The following TENM3 variants were observed in gnomAD, a reference collection of about 807,000 sequenced individuals.
The protein encoded by TENM3 is teneurin-3.
Under a neutral mutation model 255.1 loss-of-function variants are expected in TENM3, and 63 were observed. The ratio of observed to expected loss-of-function variants is 0.25; its 90% CI spans 0.20 to 0.30. The LOEUF (loss-of-function observed/expected upper bound fraction) is 0.30, where lower values mean the gene tolerates loss of function less well. Among genes scored for constraint, TENM3 ranks in the 10% least tolerant of loss-of-function variants. TENM3 has a pLI of 1.00. For missense variants in TENM3, 2,929 were observed against 3,461.1 expected (o/e 0.85, Z 3.86); for synonymous variants, 1,306 against 1,322.3 (o/e 0.99, Z 0.27).
chr4:181,694,477 G>T, the TENM3 span, among the ~76,000 whole-genome samples: 2 of 152,172 alleles, frequency 1.3e-5, no homozygotes, highest in Non-Finnish European at 2.9e-5. Flanking sequence ...GCTAACCAAT[G>T]ATCCATTTCC....
chr4:182,102,366 C>A, the TENM3 span, among the ~76,000 whole-genome samples: 7 of 152,108 alleles, frequency 4.6e-5, no homozygotes, highest in African/African-American at 1.7e-4. Flanking sequence ...AGATTAGAAA[C>A]CCTTGAGGAT....
chr4:181,950,411 C>T, the TENM3 span, among the ~76,000 whole-genome samples: 27 of 152,150 alleles, frequency 1.8e-4, no homozygotes, highest in African/African-American at 4.8e-4. Context: ...CACAGGGACG[C>T]GCATGAAACT....
At chr4:182,163,707 C>A (rs1320523630) in intron 1 of TENM3, among the ~76,000 whole-genome samples, 1 of 152,142 alleles carries the variant, frequency 6.6e-6, no homozygotes, top group Non-Finnish European at 1.5e-5. Context: ...TGAGGATAAA[C>A]GTGTAGCCCT....
chr4:181,640,377 G>A, the TENM3 span, among the ~76,000 whole-genome samples: 3 of 152,272 alleles, frequency 2.0e-5, no homozygotes, highest in East Asian at 3.9e-4. Context: ...ATTGGTCAAA[G>A]AAATTTAGTT....
At chr4:182,046,052 CA>C in the TENM3 span, among the ~76,000 whole-genome samples, 1 of 152,046 alleles carries the variant, frequency 6.6e-6, no homozygotes, top group Non-Finnish European at 1.5e-5. Flanking sequence ...GGCAAGGGGA[CA>C]AAAGCTTCTG....
At chr4:182,186,145 G>T (rs1285460864) in intron 1 of TENM3, among the ~76,000 whole-genome samples, 2 of 152,134 alleles carry the variant, frequency 1.3e-5, no homozygotes, top group Non-Finnish European at 2.9e-5. Context: ...TACAATGATT[G>T]TTTCATGTGT....
chr4:182,279,300 A>G (rs1329376333), intron 1 of TENM3, among the ~76,000 whole-genome samples: 1 of 152,204 alleles, frequency 6.6e-6, no homozygotes, highest in Non-Finnish European at 1.5e-5. Context: ...ATATATGTAT[A>G]TATTAAGAAA....
the TENM3 span, among the ~76,000 whole-genome samples, chr4:181,495,127 T>G: frequency 6.6e-6 from 1 of 152,168 alleles, no homozygotes; most frequent in African/African-American, 2.4e-5. Flanking sequence ...CTTGAGTTTA[T>G]AGTTTAGTTA....
chr4:182,109,213 A>G, the TENM3 span, among the ~76,000 whole-genome samples: 1 of 144,772 alleles, frequency 6.9e-6, no homozygotes, highest in Non-Finnish European at 1.5e-5. Context: ...TTATATATTT[A>G]TATATATTAT....
intron 1 of TENM3, among the ~76,000 whole-genome samples, chr4:182,186,966 A>C (rs576788727): frequency 1.3e-5 from 2 of 150,846 alleles, no homozygotes; most frequent in South Asian, 4.2e-4. Context: ...GTTCAGTTTT[A>C]TGCTTTGCCT....
At chr4:182,654,013 A>C (rs1753550581) in intron 6 of TENM3, 120 bp downstream of exon 6, 6 of 930,576 alleles carry the variant, frequency 6.4e-6, no homozygotes, top group Non-Finnish European at 8.8e-6. Flanking sequence ...GAAATTACAG[A>C]TATCATCTTT....
chr4:182,051,416 C>T, the TENM3 span, among the ~76,000 whole-genome samples: 54 of 138,372 alleles, frequency 3.9e-4, no homozygotes, highest in Admixed American at 1.1e-3. Context: ...CTTGCTCTTT[C>T]GCCCAGGCCA....
the TENM3 span, among the ~76,000 whole-genome samples, chr4:181,998,055 G>A: frequency 6.6e-6 from 1 of 152,194 alleles, no homozygotes; most frequent in Non-Finnish European, 1.5e-5. Context: ...AGTTCTGTGT[G>A]CGATATTGCT....
the TENM3 span, among the ~76,000 whole-genome samples, chr4:182,065,080 G>A: frequency 6.7e-6 from 1 of 149,740 alleles, no homozygotes; most frequent in Admixed American, 6.7e-5. Context: ...TGTTGCCCAG[G>A]CTGGAGTGCA....
At chr4:181,781,215 T>C in the TENM3 span, among the ~76,000 whole-genome samples, 1 of 152,190 alleles carries the variant, frequency 6.6e-6, no homozygotes, top group Non-Finnish European at 1.5e-5. Flanking sequence ...CCTTGGGCAG[T>C]ATGGCCATTT....
At chr4:182,217,474 C>T (rs1301738778) in intron 1 of TENM3, among the ~76,000 whole-genome samples, 3 of 152,158 alleles carry the variant, frequency 2.0e-5, no homozygotes, top group Non-Finnish European at 2.9e-5. Flanking sequence ...GAATGAACCC[C>T]TCGCCTAACC....
the TENM3 span, among the ~76,000 whole-genome samples, chr4:182,032,621 G>A: frequency 6.6e-6 from 1 of 152,178 alleles, no homozygotes; most frequent in African/African-American, 2.4e-5. Flanking sequence ...AGTTTTAGAG[G>A]AAATGGTACC....
chr4:182,725,698 C>T (rs71620943), intron 13 of TENM3, among the ~76,000 whole-genome samples: 1,833 of 148,012 alleles, frequency 0.012, 21 homozygotes, highest in Non-Finnish European at 0.021. Context: ...TGCAGTGGCG[C>T]GATCTCGGCT....
At chr4:181,756,902 C>G in the TENM3 span, among the ~76,000 whole-genome samples, 1 of 152,152 alleles carries the variant, frequency 6.6e-6, no homozygotes, top group Admixed American at 6.5e-5. Context: ...GCTAATCCTC[C>G]TATACTCACA....
Sources: allele counts gnomAD v4.1 joint callset (sites outside exome capture counted in the v4.1 genomes callset), GRCh38; gene constraint gnomAD v4.1.1; transcripts MANE v1.5; gene names NCBI Gene and HGNC (gene_info 2026-07-23, HGNC 2026-07-21).